Variants in FAM13A observed in about 807,000 individuals in gnomAD.
FAM13A encodes protein FAM13A.
Under a neutral mutation model 129.6 loss-of-function variants are expected in FAM13A, and 76 were observed. The ratio of observed to expected loss-of-function variants is 0.59; its 90% confidence interval spans 0.49 to 0.71. FAM13A has a LOEUF of 0.71. Among genes scored for constraint, FAM13A ranks in the 30% least tolerant of loss-of-function variants. The pLI, the probability that FAM13A is intolerant of heterozygous loss-of-function variation, is 0.00. For synonymous variants in FAM13A, 443 were observed against 449.9 expected, an observed-to-expected ratio of 0.98 and a Z score of 0.20; for missense variants, 1,108 against 1,249.3, an observed-to-expected ratio of 0.89 and a Z score of 1.70.
At chr4:88,826,052 C>T (rs748586628) in intron 7 of FAM13A, among the ~76,000 whole-genome samples, 1 of 152,186 alleles carries the variant, frequency 6.6e-6, no homozygotes, top group Non-Finnish European at 1.5e-5. Context: ...TTCTAACATC[C>T]TCTTGTCAGT....
At position 88,930,100 on chromosome 4, in the gene FAM13A, T is replaced by A. The variant is rs566608755; in HGVS notation, c.759+7988A>T. On this transcript the variant is annotated intron_variant, in intron 5 of 23. Coordinates refer to ENST00000264344, the MANE Select transcript of FAM13A (RefSeq NM_014883.4). ...TTCATATCCTGAATTGATTTTCTGATTTCTTTGTACTGGTTTTCAGAATTA... is the reference window on the plus strand; with the variant it reads ...TTCATATCCTGAATTGATTTTCTGAATTCTTTGTACTGGTTTTCAGAATTA... Among the ~76,000 whole-genome samples, 3 of 152,280 alleles carry A rather than the reference T, an allele frequency of 2.0e-5. No homozygotes were observed. The South Asian group carries it at 6.2e-4, about 32-fold the overall frequency.
chr4:88,920,040 G>T (rs1057416547), intron 5 of FAM13A, among the ~76,000 whole-genome samples: 1 of 152,264 alleles, frequency 6.6e-6, no homozygotes, highest in African/African-American at 2.4e-5. Context: ...AAACAAAGCA[G>T]CCGGAAAGCT....
At chr4:88,814,603 A>G (rs537607265) in intron 7 of FAM13A, among the ~76,000 whole-genome samples, 2 of 152,324 alleles carry the variant, frequency 1.3e-5, no homozygotes, top group South Asian at 2.1e-4. Flanking sequence ...CAGGGTATCA[A>G]TGGTCTACTC....
chr4:88,749,974 G>T (rs1742216689), intron 15 of FAM13A, 65 bp from the exon 16 acceptor site: 2 of 1,565,264 alleles, frequency 1.3e-6, no homozygotes, highest in Non-Finnish European at 1.7e-6. Flanking sequence ...GAGGGGCCCT[G>T]GGGAAGTGGG....
intron 6 of FAM13A, among the ~76,000 whole-genome samples, chr4:88,893,778 G>C (rs1016187059): frequency 6.8e-6 from 1 of 147,364 alleles, no homozygotes; most frequent in Non-Finnish European, 1.5e-5. Flanking sequence ...AGTGAGCCGA[G>C]ATCGCGCCAC....
intron 4 of FAM13A, among the ~76,000 whole-genome samples, chr4:88,954,759 G>A (rs1427859050): frequency 1.3e-5 from 2 of 151,818 alleles, no homozygotes; most frequent in Non-Finnish European, 2.9e-5. Flanking sequence ...GGTGGTGCGC[G>A]CCTATAATCA....
At chr4:89,025,121 T>C (rs1327347746) in intron 2 of FAM13A, among the ~76,000 whole-genome samples, 3 of 152,166 alleles carry the variant, frequency 2.0e-5, no homozygotes, top group Non-Finnish European at 4.4e-5. Context: ...TCAGCTCTGA[T>C]AGAGTTCATT....
intron 6 of FAM13A, among the ~76,000 whole-genome samples, chr4:88,884,935 A>G (rs566398663): frequency 1.3e-5 from 2 of 152,188 alleles, no homozygotes; most frequent in Middle Eastern, 3.2e-3. Context: ...TTAGGAATAT[A>G]TCTAAACAAG....
chr4:88,806,410 G>C (rs1212400092), intron 7 of FAM13A, among the ~76,000 whole-genome samples: 1 of 152,030 alleles, frequency 6.6e-6, no homozygotes, highest in Non-Finnish European at 1.5e-5. Flanking sequence ...TTCATGAAAA[G>C]AGAAAAGTCT....
In FAM13A at chr4:88,790,873, C is replaced by G. The variant is rs1268101664; in HGVS notation, c.1050-246G>C. ...TTGTCCAAGGCAGACAATTCTATAA[C>G]TAAATTTGGAAAACCATCTCTTAGC... On this transcript the variant is annotated intron_variant, in intron 8 of 23. Transcript: ENST00000264344. Among the ~76,000 whole-genome samples, 53 of 152,068 alleles carry G rather than the reference C, an allele frequency of 3.5e-4. 1 individual carries two copies. The highest frequency in any genetic ancestry group is 1.9e-4 in the Non-Finnish European group (13 of 68,004).
At chr4:88,915,126 G>A (rs1749899469) in intron 5 of FAM13A, among the ~76,000 whole-genome samples, 1 of 152,182 alleles carries the variant, frequency 6.6e-6, no homozygotes, top group Non-Finnish European at 1.5e-5. Context: ...GAAAGCGCAT[G>A]TAGAACAGTG....
At chr4:88,987,027 T>C (rs930593844) in intron 4 of FAM13A, among the ~76,000 whole-genome samples, 1 of 152,166 alleles carries the variant, frequency 6.6e-6, no homozygotes, top group Non-Finnish European at 1.5e-5. Flanking sequence ...AAATGGTTAA[T>C]TCCATCCTGA....
At chr4:88,761,994 GA>G (rs1008719266) in intron 13 of FAM13A, among the ~76,000 whole-genome samples, 1 of 152,036 alleles carries the variant, frequency 6.6e-6, no homozygotes, top group South Asian at 2.1e-4. Flanking sequence ...AAAAGTAAAA[GA>G]AAAATAAAGT....
At chr4:88,757,042 T>C (rs1186673842) in intron 14 of FAM13A, among the ~76,000 whole-genome samples, 1 of 152,086 alleles carries the variant, frequency 6.6e-6, no homozygotes, top group Non-Finnish European at 1.5e-5. Flanking sequence ...TTTTTTCCAA[T>C]AACTTTTTAA....
chr4:88,781,847 GGGGGAGC>G (rs1722951621), intron 10 of FAM13A, among the ~76,000 whole-genome samples: 1 of 149,866 alleles, frequency 6.7e-6, no homozygotes, highest in Non-Finnish European at 1.5e-5. Flanking sequence ...TTGTGGGGTG[GGGGGAGC>G]GGGGAGGGAT....
At chr4:88,740,568 TCTTA>T (rs2149432519) in intron 19 of FAM13A, among the ~76,000 whole-genome samples, 1 of 152,348 alleles carries the variant, frequency 6.6e-6, no homozygotes, top group South Asian at 2.1e-4. Context: ...TCCTGCATTC[TCTTA>T]CTATTTCACA....
rs566247761 is a variant in FAM13A at position 88,875,682 on chromosome 4, C to T, written c.844-24499G>A. Among the ~76,000 whole-genome samples, 384 of 152,314 alleles carry T rather than the reference C, an allele frequency of 2.5e-3. 5 individuals are homozygous for T. Among genetic ancestry groups the T allele is most frequent in the African/African-American group, 8.7e-3 (363 of 41,566 alleles). ...ATGTGGAGAAATAGGAACACTTTTA[C>T]ACTGTTGGTGGGACTGTAAACTAGT... On this transcript the variant is annotated intron_variant, in intron 6 of 23. Coordinates refer to ENST00000264344, the MANE Select transcript of FAM13A (RefSeq NM_014883.4).
At chr4:88,908,273 A>T (rs938618438) in intron 5 of FAM13A, among the ~76,000 whole-genome samples, 1 of 152,264 alleles carries the variant, frequency 6.6e-6, no homozygotes, top group African/African-American at 2.4e-5. Flanking sequence ...AACTATATCC[A>T]GCATGACATT....
intron 4 of FAM13A, among the ~76,000 whole-genome samples, chr4:88,957,359 C>T (rs1305126174): frequency 6.6e-6 from 1 of 152,076 alleles, no homozygotes; most frequent in East Asian, 1.9e-4. Flanking sequence ...ACCTCCCTCC[C>T]ACCCCACATC....
Sources: allele counts gnomAD v4.1 joint callset (sites outside exome capture counted in the v4.1 genomes callset), GRCh38; gene constraint gnomAD v4.1.1; transcripts MANE v1.5; gene names NCBI Gene and HGNC (gene_info 2026-07-23, HGNC 2026-07-21).